GFER: variants seen among roughly 807,000 people sequenced by gnomAD.
GFER encodes growth factor, augmenter of liver regeneration, also known as FAD-linked sulfhydryl oxidase ALR.
In GFER, 24 loss-of-function variants were observed where a neutral mutation model predicts 18.2. The ratio of observed to expected loss-of-function variants is 1.32; its 90% CI spans 0.96 to 1.86. GFER has a LOEUF of 1.86. Ranked by LOEUF, GFER falls within the 40% of genes most tolerant of loss-of-function variation. The pLI is 0.00. For missense variants in GFER, 316 were observed against 295.6 expected, an observed-to-expected ratio of 1.07 and a Z score of -0.51; for synonymous variants, 138 against 126.9, an observed-to-expected ratio of 1.09 and a Z score of -0.59.
chr16:1,985,617 C>T (rs2083561233), intron 2 of GFER, among the ~76,000 whole-genome samples: 1 of 152,216 alleles, frequency 6.6e-6, no homozygotes, highest in South Asian at 2.1e-4. Context: ...TAATGTGTTG[C>T]CTTGAGGCCT....
At position 1,985,912 on chromosome 16, in the gene GFER, C is replaced by T. The variant is rs201762532; in HGVS notation, c.502C>T (p.Gln168Ter). ...PDTRTRACFTQWLCHLHNEVN... is the reference protein window; with the variant it reads ...PDTRTRACFT ...CACCCGCACCCGGGCATGCTTCACA[C>T]AGTGGCTGTGCCACCTGCACAATGA... is the stretch of plus-strand genomic sequence containing the variant. Residue 168 changes from glutamine to a stop codon, truncating the protein, a stop_gained, in exon 3 of 3, where the codon CAG becomes TAG. Transcript: ENST00000248114. LOFTEE classifies it high-confidence loss of function. 21 of 1,612,900 alleles carry T rather than the reference C, an allele frequency of 1.3e-5. No individual in the cohort carries two copies. The highest frequency in any genetic ancestry group is 3.4e-6 in the Non-Finnish European group (4 of 1,179,962).
rs201603991 is a variant in GFER, at chr16:1,984,840, C to T, written c.352C>T (p.Pro118Ser). ...AVLHTLAAYYPDLPTPEQQQD... is the reference protein window; with the variant it reads ...AVLHTLAAYYSDLPTPEQQQD... ...CCTCCACACCCTGGCCGCCTACTAC[C>T]CCGACCTGCCCACCCCAGAACAGCA... Residue 118 changes from proline to serine, a missense_variant, in exon 2 of 3, where the codon CCC (proline) becomes TCC (serine). Physicochemically the swap from Pro to Ser is moderately conservative, Grantham distance 74. Transcript: ENST00000248114. 3.1e-6 allele frequency: 5 copies of T among 1,613,602 alleles called. No individual in the cohort carries two copies. Among genetic ancestry groups the T allele is most frequent in the East Asian group, 2.2e-5 (1 of 44,888 alleles).
rs1464310134 is a variant in GFER, at chr16:1,985,920, G to A, written c.510G>A (p.Leu170=). The change falls in exon 3 of 3, where the codon CTG becomes CTA. Residue 170 remains leucine (L), a synonymous_variant. Transcript: ENST00000248114. ...TRTRACFTQW[L]CHLHNEVNRK... is the part of the protein sequence containing the mutation. ...CCCGGGCATGCTTCACACAGTGGCTGTGCCACCTGCACAATGAAGTGAACC... is the reference window on the plus strand; with the variant it reads ...CCCGGGCATGCTTCACACAGTGGCTATGCCACCTGCACAATGAAGTGAACC... 2 of 1,613,048 alleles carry A rather than the reference G, an allele frequency of 1.2e-6. No homozygotes were observed. The highest frequency in any genetic ancestry group is 1.7e-5 in the Admixed American group (1 of 60,034).
chr16:1,986,093 A>G lies in GFER; in HGVS notation c.*65A>G. On this transcript the variant is annotated 3_prime_UTR_variant, in exon 3 of 3. Coordinates refer to ENST00000248114, the MANE Select transcript of GFER (RefSeq NM_005262.3). The stretch of plus-strand genomic sequence containing the variant: ...ATGGTTGGATAGGGGCAGGGCACTC[A>G]TTAAAGTGCATCACAGCCAGAGCCT... 5 of 1,488,980 alleles carry G rather than the reference A, an allele frequency of 3.4e-6. No homozygotes were observed. The highest frequency in any genetic ancestry group is 3.7e-6 in the Non-Finnish European group (4 of 1,074,660). 92.2% of individuals were successfully genotyped at this position (1,488,980 alleles called of 1,614,324 possible). A position where few individuals can be genotyped will look rare whatever the true frequency, so the allele number is the denominator to read the frequency against.
rs979953478 is a variant in GFER at position 1,986,811 on chromosome 16, G to C, written c.*783G>C. ...GAGAGAGACCACAGGGTGAGAGTGA[G>C]CCAGGAACAGCAAGGACGTTGATTG... is the stretch of plus-strand genomic sequence containing the variant. On this transcript the variant is annotated 3_prime_UTR_variant, in exon 3 of 3. Transcript: ENST00000248114. 7.2e-5 allele frequency: 11 copies of C among 153,306 alleles called. No homozygotes were observed. Among genetic ancestry groups the C allele is most frequent in the African/African-American group, 2.7e-4 (11 of 41,436 alleles). The allele number at this position is 153,306 out of a possible 1,614,324, so 9.5% of individuals were successfully genotyped here.
chr16:1,985,934 A>G lies in GFER; in HGVS notation c.524A>G (p.Asn175Ser), dbSNP rs780954807. Residue 175 changes from asparagine (N) to serine (S), a missense_variant, in exon 3 of 3, where the codon AAT becomes AGT. Coordinates refer to ENST00000248114, the MANE Select transcript of GFER (RefSeq NM_005262.3). ...ACACAGTGGCTGTGCCACCTGCACA[A>G]TGAAGTGAACCGCAAGCTGGGCAAG... ...CFTQWLCHLHNEVNRKLGKPD... is the reference protein window; with the variant it reads ...CFTQWLCHLHSEVNRKLGKPD... 7 of 1,612,992 alleles carry G rather than the reference A, an allele frequency of 4.3e-6. No individual in the cohort carries two copies. The highest frequency in any genetic ancestry group is 4.5e-5 in the East Asian group (2 of 44,892).
chr16:1,984,582 C>T (rs2083552316), intron 1 of GFER, 106 bp downstream of exon 1: 3 of 1,407,864 alleles, frequency 2.1e-6, no homozygotes, highest in African/African-American at 2.8e-5. Context: ...CTGAACCTTG[C>T]CCCCCGGGTA....
At chr16:1,985,377 C>T (rs1391265083) in intron 2 of GFER, among the ~76,000 whole-genome samples, 1 of 152,216 alleles carries the variant, frequency 6.6e-6, no homozygotes, top group African/African-American at 2.4e-5. Flanking sequence ...GTTTCTAGGC[C>T]AGATGTATAG....
chr16:1,985,224 C>T (rs556860495), intron 2 of GFER, among the ~76,000 whole-genome samples: 1 of 152,242 alleles, frequency 6.6e-6, no homozygotes, highest in African/African-American at 2.4e-5. Context: ...GGCGGTTTCC[C>T]GCAAGTTAGG....
At position 1,987,247 on chromosome 16, in the gene GFER, T is replaced by A. The variant is rs1191028638; in HGVS notation, c.*1219T>A. The A allele has an allele frequency of 6.6e-6, 1 of 151,964 alleles. No homozygotes were observed. Among genetic ancestry groups the A allele is most frequent in the African/African-American group, 2.4e-5 (1 of 41,162 alleles). 9.4% of individuals were successfully genotyped at this position (151,964 alleles called of 1,614,324 possible). ...AGGCTGAGTGCAGCAAGGTGGGGGGTGACTGGGACCCAGCCTTTGGGCCTC... is the reference window on the plus strand; with the variant it reads ...AGGCTGAGTGCAGCAAGGTGGGGGGAGACTGGGACCCAGCCTTTGGGCCTC... On this transcript the variant is annotated 3_prime_UTR_variant, in exon 3 of 3. Transcript: ENST00000248114.
In GFER at chr16:1,984,362, C is replaced by T. The variant is rs2150895047; in HGVS notation, c.144C>T (p.Ala48=). Residue 48 remains alanine, a synonymous_variant, in exon 1 of 3, where the codon GCC becomes GCT. Coordinates refer to ENST00000248114, the MANE Select transcript of GFER (RefSeq NM_005262.3). ...GAGRRDAAAS[A]STPAQAPTSD... ...GGCGGAGAGACGCGGCCGCCTCGGC[C>T]TCGACGCCAGCCCAGGCGCCGACCT... 2 of 1,523,314 alleles carry T rather than the reference C, an allele frequency of 1.3e-6. No homozygotes were observed. The highest frequency in any genetic ancestry group is 2.4e-5 in the South Asian group (2 of 83,094). 94.4% of individuals were successfully genotyped at this position (1,523,314 alleles called of 1,614,324 possible).
intron 1 of GFER, 36 bp downstream of exon 1, chr16:1,984,512 C>A: frequency 6.5e-7 from 1 of 1,546,362 alleles, no homozygotes; most frequent in Non-Finnish European, 8.7e-7. Context: ...CAGCCCCGCG[C>A]AGCCCCTGTC....
intron 2 of GFER, among the ~76,000 whole-genome samples, chr16:1,985,224 C>G (rs556860495): frequency 6.6e-6 from 1 of 152,360 alleles, no homozygotes; most frequent in Admixed American, 6.5e-5. Flanking sequence ...GGCGGTTTCC[C>G]GCAAGTTAGG....
At chr16:1,985,168 C>G (rs574089740) in intron 2 of GFER, among the ~76,000 whole-genome samples, 21 of 152,354 alleles carry the variant, frequency 1.4e-4, no homozygotes, top group Non-Finnish European at 2.2e-4. Context: ...CCTGCCACAG[C>G]CACAGGGCTT....
rs1350804087 is a variant in GFER at position 1,984,200 on chromosome 16, C to G, written c.-19C>G. On this transcript the variant is annotated 5_prime_UTR_variant, in exon 1 of 3. Coordinates refer to ENST00000248114, the MANE Select transcript of GFER (RefSeq NM_005262.3). Reference sequence around the variant, plus strand: ...TCATCTGGAGGCCGAGCTGACCCGGCAGGCCTTGCGCGGGCAACATGGCGG... The same window carrying G: ...TCATCTGGAGGCCGAGCTGACCCGGGAGGCCTTGCGCGGGCAACATGGCGG... The G allele has an allele frequency of 1.4e-6, 2 of 1,466,562 alleles. No homozygotes were observed. Among genetic ancestry groups the G allele is most frequent in the Non-Finnish European group, 1.8e-6 (2 of 1,114,976 alleles). 90.8% of individuals were successfully genotyped at this position (1,466,562 alleles called of 1,614,324 possible).
chr16:1,986,946 C>G lies in GFER; in HGVS notation c.*918C>G, dbSNP rs537273406. The G allele has an allele frequency of 6.6e-6, 1 of 152,420 alleles. No homozygotes were observed. The highest frequency in any genetic ancestry group is 2.1e-4 in the South Asian group (1 of 4,824). The allele number at this position is 152,420 out of a possible 1,614,324, so 9.4% of individuals were successfully genotyped here. A position where few individuals can be genotyped will look rare whatever the true frequency, so the allele number is the denominator to read the frequency against. The stretch of plus-strand genomic sequence containing the variant: ...TGGCTTCTACCCCTAGTTCCCCTGA[C>G]AGGAAGTTCTTGGCGGGTTTGGAGC... On this transcript the variant is annotated 3_prime_UTR_variant, in exon 3 of 3. Coordinates refer to ENST00000248114, the MANE Select transcript of GFER (RefSeq NM_005262.3).
intron 1 of GFER, 84 bp downstream of exon 1, chr16:1,984,560 G>C: frequency 6.8e-7 from 1 of 1,475,610 alleles, no homozygotes. Context: ...AGCTTCCCAG[G>C]GTTGCCTGTC....
Position 1,984,347 on chromosome 16 carries a change from C to T in GFER, c.129C>T (p.Asp43=), listed in dbSNP as rs1016725284. The change falls in exon 1 of 3, where the codon GAC becomes GAT. Residue 43 remains aspartate, a synonymous_variant. Coordinates refer to ENST00000248114, the MANE Select transcript of GFER (RefSeq NM_005262.3). ...GGGGCCGGGGCGCGGGGCGGAGAGA[C>T]GCGGCCGCCTCGGCCTCGACGCCAG... ...DARGRGAGRR[D]AAASASTPAQ... is the part of the protein sequence containing the mutation. 25 of 1,508,824 alleles carry T rather than the reference C, an allele frequency of 1.7e-5. No individual in the cohort carries two copies. The African/African-American group carries it at 3.3e-4, about 20-fold the overall frequency. 93.5% of individuals were successfully genotyped at this position (1,508,824 alleles called of 1,614,324 possible). A position where few individuals can be genotyped will look rare whatever the true frequency, so the allele number is the denominator to read the frequency against.
At position 1,987,373 on chromosome 16, in the gene GFER, C is replaced by G. The variant is rs1407836310; in HGVS notation, c.*1345C>G. 1 of 152,504 alleles carries G rather than the reference C, an allele frequency of 6.6e-6. No homozygotes were observed. The highest frequency in any genetic ancestry group is 1.5e-5 in the Non-Finnish European group (1 of 68,276). 9.4% of individuals were successfully genotyped at this position (152,504 alleles called of 1,614,324 possible). On this transcript the variant is annotated 3_prime_UTR_variant, in exon 3 of 3. Transcript: ENST00000248114. ...AGCCTTTCCCTGGGCGCAGGCCCAC[C>G]TTGGCATGGCCGCCTCAGGCCTCCA...
Sources: gnomAD v4.1 joint callset for allele counts (sites outside exome capture counted in the v4.1 genomes callset) on GRCh38, gnomAD v4.1.1 for gene constraint, MANE v1.5 for transcripts, NCBI Gene and HGNC (gene_info 2026-07-23, HGNC 2026-07-21) for gene names.